Variants in KCNC2 observed in about 807,000 individuals in gnomAD.
The protein encoded by KCNC2 is potassium voltage-gated channel subfamily C member 2.
A neutral mutation model predicts 44.5 loss-of-function variants in KCNC2; 21 were observed. The ratio of observed to expected loss-of-function variants is 0.47; its 90% CI spans 0.33 to 0.68. The LOEUF (loss-of-function observed/expected upper bound fraction) is 0.68. KCNC2 is among the 30% of genes least tolerant of loss of function. The pLI, the probability that KCNC2 is intolerant of heterozygous loss-of-function variation, is 0.01. For synonymous variants in KCNC2, 391 were observed against 339.1 expected (o/e 1.15, Z -1.68); for missense variants, 589 against 826.2 (o/e 0.71, Z 3.52).
intron 2 of KCNC2, among the ~76,000 whole-genome samples, chr12:75,072,256 G>T (rs538960745): frequency 6.6e-6 from 1 of 152,090 alleles, no homozygotes; most frequent in Non-Finnish European, 1.5e-5. Flanking sequence ...AACTAAAGTC[G>T]CCTTGACAGT....
At chr12:75,151,725 T>G (rs1890406989) in intron 2 of KCNC2, among the ~76,000 whole-genome samples, 1 of 151,506 alleles carries the variant, frequency 6.6e-6, no homozygotes, top group Non-Finnish European at 1.5e-5. Flanking sequence ...ACATTTGGTA[T>G]TATCAAGAAT....
At chr12:75,172,170 C>T (rs1186628516) in intron 2 of KCNC2, among the ~76,000 whole-genome samples, 2 of 151,800 alleles carry the variant, frequency 1.3e-5, no homozygotes, top group Non-Finnish European at 2.9e-5. Context: ...TATTATTTGG[C>T]ATCCTGACAT....
intron 2 of KCNC2, among the ~76,000 whole-genome samples, chr12:75,068,739 GT>G (rs143478313): frequency 0.075 from 11,358 of 152,178 alleles, 1,411 homozygotes; most frequent in African/African-American, 0.26. Context: ...AGGTCTTTGG[GT>G]TTGGAAAATG....
At chr12:75,104,737 T>TA (rs1480520930) in intron 2 of KCNC2, among the ~76,000 whole-genome samples, 4 of 152,144 alleles carry the variant, frequency 2.6e-5, no homozygotes, top group Admixed American at 2.0e-4. Flanking sequence ...ATATAGTAGA[T>TA]ACGCATATGG....
At chr12:75,107,131 T>C (rs1045027135) in intron 2 of KCNC2, among the ~76,000 whole-genome samples, 3 of 152,004 alleles carry the variant, frequency 2.0e-5, no homozygotes, top group African/African-American at 4.8e-5. Flanking sequence ...GGTGAAACCC[T>C]GTCTCTACTA....
chr12:75,074,304 G>T (rs1883710869), intron 2 of KCNC2, among the ~76,000 whole-genome samples: 1 of 146,290 alleles, frequency 6.8e-6, no homozygotes, highest in Non-Finnish European at 1.5e-5. Flanking sequence ...CTCACCAGTG[G>T]CCTATTTCCC....
At chr12:75,075,488 T>C (rs1052880082) in intron 2 of KCNC2, among the ~76,000 whole-genome samples, 12 of 148,282 alleles carry the variant, frequency 8.1e-5, no homozygotes, top group African/African-American at 1.7e-4. Context: ...TATATACACA[T>C]ATATATATAT....
chr12:75,126,840 A>G (rs1888459589), intron 2 of KCNC2, among the ~76,000 whole-genome samples: 1 of 152,154 alleles, frequency 6.6e-6, no homozygotes, highest in South Asian at 2.1e-4. Context: ...TTAGAAAAGC[A>G]TTTGGGGCAG....
At chr12:75,206,543 C>T (rs1392666412) in intron 2 of KCNC2, among the ~76,000 whole-genome samples, 1 of 152,190 alleles carries the variant, frequency 6.6e-6, no homozygotes, top group African/African-American at 2.4e-5. Context: ...CTAAATTACT[C>T]AGATTTAGAG....
chr12:75,072,636 T>C (rs899560005), intron 2 of KCNC2, among the ~76,000 whole-genome samples: 6 of 150,626 alleles, frequency 4.0e-5, no homozygotes, highest in Admixed American at 6.6e-5. Flanking sequence ...AAGTCCCATA[T>C]AAAAAAAAAG....
At chr12:75,116,086 A>G (rs1023063369) in intron 2 of KCNC2, among the ~76,000 whole-genome samples, 1 of 152,178 alleles carries the variant, frequency 6.6e-6, no homozygotes, top group Non-Finnish European at 1.5e-5. Flanking sequence ...GCATAAACCC[A>G]TCTAATTTCA....
At chr12:75,076,972 TTTG>T (rs1884043968) in intron 2 of KCNC2, among the ~76,000 whole-genome samples, 1 of 151,990 alleles carries the variant, frequency 6.6e-6, no homozygotes, top group South Asian at 2.1e-4. Context: ...TAGTAGATTA[TTTG>T]TTGTTTGTTT....
intron 2 of KCNC2, among the ~76,000 whole-genome samples, chr12:75,065,628 A>G (rs76475790): frequency 0.03 from 4,542 of 152,176 alleles, 261 homozygotes; most frequent in African/African-American, 0.1. Flanking sequence ...ATTCAATACA[A>G]TAACATGTTG....
In KCNC2 at chr12:75,207,426, C is replaced by T. The variant is rs1339013307; in HGVS notation, c.558G>A (p.Ala186=). ...CGTCCTCGATGCCCAGCCTCTTGGC[C>T]GCCAGGTCCTCGTCGTCGCCGGGGT... ...GGDPGDDEDL[A]AKRLGIEDAA... is the part of the protein sequence containing the mutation. Residue 186 remains alanine (A), a synonymous_variant, in exon 2 of 5, where the codon GCG becomes GCA. Coordinates refer to ENST00000549446, the MANE Select transcript of KCNC2 (RefSeq NM_139137.4). This position sits in a 1 kb window ranked among gnomAD's most constrained non-coding sequence, Gnocchi z 4.1. 4 of 1,605,788 alleles carry T rather than the reference C, an allele frequency of 2.5e-6. No homozygotes were observed. The highest frequency in any genetic ancestry group is 2.2e-5 in the East Asian group (1 of 44,496).
intron 2 of KCNC2, among the ~76,000 whole-genome samples, chr12:75,109,129 G>A (rs1424173903): frequency 6.6e-6 from 1 of 152,090 alleles, no homozygotes; most frequent in African/African-American, 2.4e-5. Context: ...TATATCTAGA[G>A]GGATTCATGT....
intron 2 of KCNC2, among the ~76,000 whole-genome samples, chr12:75,155,606 T>C (rs1256665598): frequency 1.3e-5 from 2 of 151,724 alleles, no homozygotes; most frequent in Non-Finnish European, 2.9e-5. Flanking sequence ...CTAATCTCTA[T>C]TAGAGTTCAT....
Position 75,042,190 on chromosome 12 carries a change from A to G in KCNC2, c.*915T>C. ...ATTTGGCACTCTGCCTCTGAAAATG[A>G]TGACAAACCCTGGGTATTTTTTTTT... On this transcript the variant is annotated 3_prime_UTR_variant, in exon 5 of 5. Coordinates refer to ENST00000549446, the MANE Select transcript of KCNC2 (RefSeq NM_139137.4). The G allele has an allele frequency of 4.5e-6, 6 of 1,319,744 alleles. No individual in the cohort carries two copies. Among genetic ancestry groups the G allele is most frequent in the East Asian group, 2.9e-5 (1 of 34,766 alleles). The allele number at this position is 1,319,744 out of a possible 1,614,324, so 81.8% of individuals were successfully genotyped here. A position where few individuals can be genotyped will look rare whatever the true frequency, so the allele number is the denominator to read the frequency against.
At chr12:75,098,392 C>A (rs78646953) in intron 2 of KCNC2, among the ~76,000 whole-genome samples, 204 of 152,220 alleles carry the variant, frequency 1.3e-3, no homozygotes, top group African/African-American at 4.5e-3. Context: ...GCAGAAAAGC[C>A]TTTCAAACAT....
intron 2 of KCNC2, among the ~76,000 whole-genome samples, chr12:75,065,449 G>T (rs994638971): frequency 6.6e-6 from 1 of 152,034 alleles, no homozygotes; most frequent in Non-Finnish European, 1.5e-5. Flanking sequence ...TTTTATAAAA[G>T]TAATTAGAAT....
Sources: gnomAD v4.1 joint callset for allele counts (sites outside exome capture counted in the v4.1 genomes callset) on GRCh38, gnomAD v4.1.1 for gene constraint, Gnocchi (gnomAD v3.1) non-coding constraint, MANE v1.5 for transcripts, NCBI Gene and HGNC (gene_info 2026-07-23, HGNC 2026-07-21) for gene names.